Variants in INTS6 observed in about 807,000 individuals in gnomAD.
INTS6 encodes the protein DEAD box protein.
INTS6 carries 16 observed loss-of-function variants against 104.9 expected under a neutral mutation model. The observed-to-expected ratio is 0.15, with a 90% confidence interval of 0.10 to 0.23. The LOEUF (loss-of-function observed/expected upper bound fraction) is 0.23. Among genes scored for constraint, INTS6 ranks in the 10% least tolerant of loss-of-function variants. INTS6 has a pLI of 1.00. For missense variants in INTS6, 584 were observed against 1,062.8 expected, an observed-to-expected ratio of 0.55 and a Z score of 6.26; for synonymous variants, 324 against 358.7, an observed-to-expected ratio of 0.90 and a Z score of 1.09.
intron 15 of INTS6, among the ~76,000 whole-genome samples, chr13:51,369,758 T>C (rs1209240997): frequency 1.3e-5 from 2 of 152,194 alleles, no homozygotes; most frequent in Non-Finnish European, 2.9e-5. Flanking sequence ...TTTCCACTTA[T>C]ATTTCTGCCT....
At chr13:51,382,589 C>T (rs1956073730) in intron 9 of INTS6, among the ~76,000 whole-genome samples, 1 of 152,136 alleles carries the variant, frequency 6.6e-6, no homozygotes, top group Non-Finnish European at 1.5e-5. Context: ...GGAACAAATT[C>T]CTTTATTTAA....
intron 3 of INTS6, chr13:51,442,334 A>C (rs1221237868): frequency 6.6e-6 from 1 of 150,846 alleles, no homozygotes; most frequent in Non-Finnish European, 1.5e-5. Context: ...TTTTAGTTTC[A>C]CCATGTTGGC....
rs1361874613 is a variant in INTS6 at position 51,391,688 on chromosome 13, A to G, written c.614-2244T>C. On this transcript the variant is annotated intron_variant, in intron 5 of 17. Transcript: ENST00000311234. ...CTTTGGGTTATGTAGAGTCCACAAA[A>G]AAGTCAAACTAAATATAGTGAGTCT... 3.3e-5 allele frequency among the ~76,000 whole-genome samples: 5 copies of G among 152,336 alleles called. No individual in the cohort carries two copies. The South Asian group carries it at 8.3e-4, about 25-fold the overall frequency.
At chr13:51,449,611 T>A in intron 3 of INTS6, 2 of 985,188 alleles carry the variant, frequency 2.0e-6, no homozygotes, top group Non-Finnish European at 2.4e-6. Flanking sequence ...GACAACCAAA[T>A]AAAGGTAACC....
chr13:51,402,379 G>A (rs555224586), intron 4 of INTS6: 1 of 152,304 alleles, frequency 6.6e-6, no homozygotes, highest in East Asian at 1.9e-4. Flanking sequence ...TCTAGGGAGG[G>A]AGGACTGCAA....
At chr13:51,370,644 G>C (rs1443470800) in intron 15 of INTS6, among the ~76,000 whole-genome samples, 1 of 152,160 alleles carries the variant, frequency 6.6e-6, no homozygotes, top group Non-Finnish European at 1.5e-5. Flanking sequence ...AATGGTGGTG[G>C]GCTGGACAGG....
chr13:51,376,183 C>T lies in INTS6; in HGVS notation c.1603-9G>A, dbSNP rs764157693. ...GTCTGTGGCTTCAAATCCTATTAAA[C>T]AACATTCGAGGACAAAATTTATTGT... On this transcript the variant is annotated splice_polypyrimidine_tract_variant and intron_variant, in intron 12 of 17. Transcript: ENST00000311234. 1.3e-6 allele frequency: 2 copies of T among 1,591,522 alleles called. No individual in the cohort carries two copies. Among genetic ancestry groups the T allele is most frequent in the South Asian group, 2.3e-5 (2 of 86,192 alleles).
chr13:51,338,540 T>C, the INTS6 span, among the ~76,000 whole-genome samples: 1 of 152,164 alleles, frequency 6.6e-6, no homozygotes. Context: ...GATTGATGGA[T>C]GCATGGATGG....
At chr13:51,381,076 C>T (rs7335122) in intron 10 of INTS6, among the ~76,000 whole-genome samples, 17,956 of 152,100 alleles carry the variant, frequency 0.12, 1,334 homozygotes, top group South Asian at 0.21. Flanking sequence ...GACATTATTC[C>T]TTAAACAATA....
At chr13:51,442,933 T>C (rs1223154900) in intron 3 of INTS6, 1 of 152,176 alleles carries the variant, frequency 6.6e-6, no homozygotes, top group African/African-American at 2.4e-5. Context: ...AAGCTAATTT[T>C]GTAACAAACA....
At chr13:51,401,492 G>A (rs186838807) in intron 4 of INTS6, among the ~76,000 whole-genome samples, 1 of 152,168 alleles carries the variant, frequency 6.6e-6, no homozygotes, top group East Asian at 1.9e-4. Context: ...TTTCATAAGA[G>A]CTGTTTTCTG....
rs748707346 is a variant in INTS6 at position 51,389,453 on chromosome 13, A to T, written c.614-9T>A. On this transcript the variant is annotated splice_polypyrimidine_tract_variant and intron_variant, in intron 5 of 17. Transcript: ENST00000311234. The stretch of plus-strand genomic sequence containing the variant: ...CACAGAATATGAACGGCCTGAGATT[A>T]AAAAAAAGAAGAAGAAGAAGAAGAA... 19 of 1,565,708 alleles carry T rather than the reference A, an allele frequency of 1.2e-5. No individual in the cohort carries two copies. The African/African-American group carries it at 1.2e-4, about 10-fold the overall frequency.
At chr13:51,375,553 C>T (rs1395105874) in intron 13 of INTS6, among the ~76,000 whole-genome samples, 1 of 150,408 alleles carries the variant, frequency 6.6e-6, no homozygotes, top group Non-Finnish European at 1.5e-5. Context: ...AGGTGGCAAA[C>T]GTTTAAAGTC....
intron 5 of INTS6, among the ~76,000 whole-genome samples, chr13:51,393,355 G>T (rs190820720): frequency 1.1e-4 from 17 of 152,272 alleles, no homozygotes; most frequent in Admixed American, 7.8e-4. Context: ...TGGGATTACA[G>T]GCATGAGCCA....
chr13:51,426,964 C>G (rs933014547), intron 4 of INTS6, among the ~76,000 whole-genome samples: 1 of 152,102 alleles, frequency 6.6e-6, no homozygotes, highest in Non-Finnish European at 1.5e-5. Context: ...GCAAATCACT[C>G]TGACTCCCTG....
chr13:51,354,482 AC>A (rs1955450380), intron 3 of INTS6: 1 of 152,156 alleles, frequency 6.6e-6, no homozygotes, highest in Non-Finnish European at 1.5e-5. Context: ...GGAGCCTGGC[AC>A]AGTGGGGCAC....
chr13:51,407,222 T>C (rs889944616), intron 4 of INTS6, among the ~76,000 whole-genome samples: 1 of 152,190 alleles, frequency 6.6e-6, no homozygotes, highest in Non-Finnish European at 1.5e-5. Flanking sequence ...TTATAAGCTC[T>C]CATAGCACAT....
Position 51,361,659 on chromosome 13 carries a change from T to C in INTS6, c.*4093A>G, listed in dbSNP as rs1955579515. 3.0e-6 allele frequency: 2 copies of C among 667,672 alleles called. No homozygotes were observed. The highest frequency in any genetic ancestry group is 5.6e-5 in the East Asian group (2 of 35,918). 41.4% of individuals were successfully genotyped at this position (667,672 alleles called of 1,614,324 possible). On this transcript the variant is annotated 3_prime_UTR_variant, in exon 18 of 18. Coordinates refer to ENST00000311234, the MANE Select transcript of INTS6 (RefSeq NM_012141.3). Reference sequence around the variant, plus strand: ...GCTAAATGGCATCTTTTCTCTTTAATTTTCCCATCTGCACCCCCATCACAA... The same window carrying C: ...GCTAAATGGCATCTTTTCTCTTTAACTTTCCCATCTGCACCCCCATCACAA...
chr13:51,369,369 T>G, intron 15 of INTS6, 59 bp from the exon 16 acceptor site: 1 of 1,491,884 alleles, frequency 6.7e-7, no homozygotes, highest in East Asian at 2.3e-5. Flanking sequence ...ATACAGTAAA[T>G]AAAGCTACAA....
Sources: gnomAD v4.1 joint callset for allele counts (sites outside exome capture counted in the v4.1 genomes callset) on GRCh38, gnomAD v4.1.1 for gene constraint, MANE v1.5 for transcripts, NCBI Gene and HGNC (gene_info 2026-07-23, HGNC 2026-07-21) for gene names.